Variants in OCRL observed in about 807,000 individuals in gnomAD.
OCRL encodes the protein OCRL inositol polyphosphate-5-phosphatase.
A neutral mutation model predicts 78.9 loss-of-function variants in OCRL; 8 were observed. The observed-to-expected ratio is 0.10, with a 90% confidence interval of 0.06 to 0.18. The LOEUF is 0.18. Ranked by LOEUF, OCRL falls within the 10% of genes least tolerant of loss-of-function variation. The pLI is 1.00. For missense variants in OCRL, 454 were observed against 696.7 expected, an observed-to-expected ratio of 0.65 and a Z score of 3.92; for synonymous variants, 240 against 235.4, an observed-to-expected ratio of 1.02 and a Z score of -0.18.
chrX:129,566,698 A>G (rs2124410305), intron 13 of OCRL, among the ~76,000 whole-genome samples: 1 of 112,441 alleles, frequency 8.9e-6, no homozygotes, highest in African/African-American at 3.2e-5. Context: ...TGGTTTTTGT[A>G]GTGAGCCATT....
chrX:129,562,958 A>G (rs1936165436), intron 12 of OCRL, among the ~76,000 whole-genome samples, 172 bp downstream of exon 12: 1 of 111,769 alleles, frequency 8.9e-6, no homozygotes, highest in African/African-American at 3.3e-5. Flanking sequence ...GAGGCAGAGA[A>G]ATTAGACTTG....
At chrX:129,547,161 C>T (rs372949291) in intron 3 of OCRL, among the ~76,000 whole-genome samples, 4 of 110,979 alleles carry the variant, frequency 3.6e-5, no homozygotes, top group African/African-American at 1.3e-4. Context: ...CCCAGCAGTT[C>T]GAGGCTGCAG....
At chrX:129,552,600 C>CT (rs1935979389) in intron 4 of OCRL, among the ~76,000 whole-genome samples, 1 of 111,587 alleles carries the variant, frequency 9.0e-6, no homozygotes, top group African/African-American at 3.3e-5. Flanking sequence ...GATTTTTGTA[C>CT]TTTCAGTAGA....
rs180858534 is a variant in OCRL at position 129,585,341 on chromosome X, A to G, written c.2139+974A>G. On this transcript the variant is annotated intron_variant, in intron 19 of 23. Transcript: ENST00000371113. ...AGCTCTTCCCTGTTAAGAGCAGTCC[A>G]TGTTCTGTCTTTTTATCTTAGGCAG... Among the ~76,000 whole-genome samples the G allele has an allele frequency of 3.2e-3, 357 of 112,441 alleles. 2 individuals are homozygous for G. The highest frequency in any genetic ancestry group is 0.011 in the African/African-American group (343 of 31,025).
chrX:129,578,869 A>G (rs1191613815), intron 18 of OCRL, among the ~76,000 whole-genome samples: 1 of 107,379 alleles, frequency 9.3e-6, no homozygotes, highest in Admixed American at 1.0e-4. Flanking sequence ...TGTGGACATC[A>G]TTTTTCTTTT....
chrX:129,554,479 G>A (rs774244965), intron 4 of OCRL: 6 of 111,642 alleles, frequency 5.4e-5, no homozygotes, highest in Non-Finnish European at 7.5e-5. Flanking sequence ...GTTTCTGGGA[G>A]GATGGTGCAT....
rs3116746 is a variant in OCRL at position 129,576,219 on chromosome X, G to A, written c.1880-98G>A. The A allele has an allele frequency of 7.4e-4, 706 of 950,286 alleles. 4 individuals carry two copies. The African/African-American group carries it at 0.011, about 15-fold the overall frequency. 78.3% of individuals were successfully genotyped at this position (950,286 alleles called of 1,213,427 possible). ...TGTCTCTTCCCCCTCATTGCTTAAT[G>A]ATTTTTTTAGAGGACACTTTTCTGT... On this transcript the variant is annotated intron_variant, in intron 17 of 23. Transcript: ENST00000371113.
At position 129,540,300 on chromosome X, in the gene OCRL, G is replaced by C. The variant is rs1935767248; in HGVS notation, c.-140G>C. On this transcript the variant is annotated 5_prime_UTR_variant, in exon 1 of 24. Transcript: ENST00000371113. ...TCTCAGCTCCCAGCTCCCCGCTCCC[G>C]GCTCCCGGCGCCCGGCGCCCGGCGC... 5.9e-6 allele frequency: 4 copies of C among 677,707 alleles called. No homozygotes were observed. Among genetic ancestry groups the C allele is most frequent in the Non-Finnish European group, 6.8e-6 (3 of 444,271 alleles). 55.9% of individuals were successfully genotyped at this position (677,707 alleles called of 1,213,427 possible). A position where few individuals can be genotyped will look rare whatever the true frequency, so the allele number is the denominator to read the frequency against.
chrX:129,553,435 A>G (rs902515605), intron 4 of OCRL, among the ~76,000 whole-genome samples: 1 of 112,002 alleles, frequency 8.9e-6, no homozygotes, highest in Non-Finnish European at 1.9e-5. Flanking sequence ...GAAATCTGAG[A>G]TCCAGGAAGA....
intron 15 of OCRL, among the ~76,000 whole-genome samples, chrX:129,572,906 C>T (rs1026044007): frequency 1.8e-5 from 2 of 112,051 alleles, no homozygotes; most frequent in African/African-American, 6.5e-5. Flanking sequence ...TTCACTGTAG[C>T]AGTGAGCAAG....
chrX:129,585,067 C>T (rs189730014), intron 19 of OCRL, among the ~76,000 whole-genome samples: 118 of 112,233 alleles, frequency 1.1e-3, no homozygotes, highest in African/African-American at 3.6e-3. Context: ...GCTTATCAGG[C>T]GCTGAATGTG....
chrX:129,565,620 G>T (rs1354689667), intron 12 of OCRL, 152 bp from the exon 13 acceptor site: 2 of 467,305 alleles, frequency 4.3e-6, no homozygotes, highest in East Asian at 7.2e-5. Context: ...GATAGTAGTT[G>T]CCCTCAAAGG....
intron 3 of OCRL, among the ~76,000 whole-genome samples, chrX:129,547,440 G>A (rs1403918196): frequency 9.4e-6 from 1 of 106,067 alleles, no homozygotes; most frequent in East Asian, 3.0e-4. Context: ...CAGGAGAATG[G>A]TGTGAACCTG....
At chrX:129,554,606 TACAG>T (rs2124398112) in intron 4 of OCRL, among the ~76,000 whole-genome samples, 1 of 111,321 alleles carries the variant, frequency 9.0e-6, no homozygotes, top group African/African-American at 3.3e-5. Context: ...TTAGGACAAA[TACAG>T]ACACCAACTC....
chrX:129,579,489 A>G (rs1936413973), intron 18 of OCRL, among the ~76,000 whole-genome samples: 2 of 111,908 alleles, frequency 1.8e-5, no homozygotes, highest in African/African-American at 6.5e-5. Flanking sequence ...TGTTTTAGAA[A>G]GATCCTTATG....
chrX:129,548,459 G>C (rs1254482075), intron 3 of OCRL, 104 bp from the exon 4 acceptor site: 1 of 630,030 alleles, frequency 1.6e-6, no homozygotes, highest in Non-Finnish European at 2.7e-6. Context: ...AGACCTAGGA[G>C]TAGTGACTGA....
At chrX:129,582,495 A>G (rs1187563723) in intron 18 of OCRL, among the ~76,000 whole-genome samples, 1 of 112,388 alleles carries the variant, frequency 8.9e-6, no homozygotes, top group Non-Finnish European at 1.9e-5. Flanking sequence ...ATCTCTGTCT[A>G]GTTTTATTCA....
chrX:129,589,426 G>A (rs1471247247), intron 22 of OCRL: 3 of 274,886 alleles, frequency 1.1e-5, no homozygotes, highest in African/African-American at 2.8e-5. Context: ...CTGTGAATTG[G>A]ACTAGTGAGT....
Sources: gnomAD v4.1 joint callset for allele counts (sites outside exome capture counted in the v4.1 genomes callset) on GRCh38, gnomAD v4.1.1 for gene constraint, MANE v1.5 for transcripts, NCBI Gene and HGNC (gene_info 2026-07-23, HGNC 2026-07-21) for gene names.